Variants in OSBP2 observed in about 807,000 individuals in gnomAD.
OSBP2 encodes oxysterol binding protein 2, also known as oxysterol-binding protein 2.
In OSBP2, 66 loss-of-function variants were observed where a neutral mutation model predicts 96.0. That is an observed-to-expected ratio of 0.69 (90% CI 0.56 to 0.84). The LOEUF is 0.84. Ranked by LOEUF, OSBP2 falls within the 40% of genes least tolerant of loss-of-function variation. The pLI is 0.00. For missense variants in OSBP2, 1,038 were observed against 1,222.7 expected (o/e 0.85, Z 2.25); for synonymous variants, 525 against 520.9 (o/e 1.01, Z -0.11).
At chr22:30,831,085 G>A (rs1361688584) in intron 2 of OSBP2, among the ~76,000 whole-genome samples, 2 of 152,080 alleles carry the variant, frequency 1.3e-5, no homozygotes, top group East Asian at 1.9e-4. Context: ...GTTTCTTTCC[G>A]GGACACATTG....
intron 2 of OSBP2, among the ~76,000 whole-genome samples, chr22:30,817,823 A>C (rs888782542): frequency 6.6e-6 from 1 of 152,192 alleles, no homozygotes; most frequent in South Asian, 2.1e-4. Context: ...AGGAATCTAC[A>C]GTGGGTGTGC....
At chr22:30,822,441 G>A (rs2038294100) in intron 2 of OSBP2, 1 of 1,114,424 alleles carries the variant, frequency 9.0e-7, no homozygotes, top group Admixed American at 4.2e-5. Flanking sequence ...CCGCGGCGCG[G>A]ACGGGGTTAA....
At chr22:30,767,236 G>A (rs1452513126) in intron 2 of OSBP2, among the ~76,000 whole-genome samples, 1 of 151,674 alleles carries the variant, frequency 6.6e-6, no homozygotes, top group African/African-American at 2.4e-5. Context: ...CTTGAGCCTG[G>A]GAGGCAAAGG....
intron 2 of OSBP2, among the ~76,000 whole-genome samples, chr22:30,769,627 A>G (rs559794954): frequency 6.6e-6 from 1 of 152,228 alleles, no homozygotes; most frequent in African/African-American, 2.4e-5. Flanking sequence ...CCAGCCTGGG[A>G]AACAGAGAGA....
rs1048759697 is a variant in OSBP2 at position 30,868,336 on chromosome 22, C to T, written c.854-2093C>T. ...GCCTGCAGGGAGGGAAGAATAGCCA[C>T]TGTCTACTGACCTCTACCGTGAGGC... On this transcript the variant is annotated intron_variant, in intron 2 of 13. Coordinates refer to ENST00000332585, the MANE Select transcript of OSBP2 (RefSeq NM_030758.4). Among the ~76,000 whole-genome samples the T allele has an allele frequency of 6.6e-5, 10 of 152,358 alleles. No homozygotes were observed. In the South Asian group the frequency reaches 2.1e-3, roughly 32 times the overall value.
intron 1 of OSBP2, among the ~76,000 whole-genome samples, chr22:30,714,503 G>A (rs1321772113): frequency 6.6e-6 from 1 of 151,852 alleles, no homozygotes; most frequent in African/African-American, 2.4e-5. Flanking sequence ...TGTATTTCAC[G>A]TTGCTGTGAA....
chr22:30,795,425 A>T (rs2090743321), intron 2 of OSBP2, among the ~76,000 whole-genome samples: 1 of 151,726 alleles, frequency 6.6e-6, no homozygotes, highest in Admixed American at 6.6e-5. Context: ...CACAAATTAC[A>T]TGTATATTAG....
chr22:30,755,875 G>A (rs996341310), intron 2 of OSBP2, among the ~76,000 whole-genome samples: 4 of 152,128 alleles, frequency 2.6e-5, no homozygotes, highest in South Asian at 2.1e-4. Flanking sequence ...CACCCCACCC[G>A]TCTCAGCCCT....
chr22:30,840,054 CTTTT>C (rs1313548284), intron 2 of OSBP2, among the ~76,000 whole-genome samples: 1 of 109,298 alleles, frequency 9.1e-6, no homozygotes, highest in African/African-American at 3.4e-5. Context: ...TTTCAGCTTT[CTTTT>C]TTTTTTTTTT....
rs58883835 is a variant in OSBP2 at position 30,851,237 on chromosome 22, A to AT, written c.854-19180dup. ...CCACGCATACATGGCTAATTTTTGT[A>AT]TTTTTTTTTTTTAGTAGAGATGGGG... On this transcript the variant is annotated intron_variant, in intron 2 of 13. Transcript: ENST00000332585. Among the ~76,000 whole-genome samples the AT allele has an allele frequency of 4.6e-4, 66 of 144,890 alleles. 1 individual carries two copies. Among genetic ancestry groups the AT allele is most frequent in the South Asian group, 2.5e-3 (11 of 4,478 alleles).
intron 2 of OSBP2, among the ~76,000 whole-genome samples, chr22:30,839,649 G>C (rs1039961021): frequency 2.6e-5 from 4 of 151,898 alleles, no homozygotes; most frequent in South Asian, 2.1e-4. Flanking sequence ...AATGTCTTTT[G>C]AGAAGTGTCT....
At chr22:30,713,716 G>T (rs1042249572) in intron 1 of OSBP2, among the ~76,000 whole-genome samples, 4 of 152,108 alleles carry the variant, frequency 2.6e-5, no homozygotes, top group Admixed American at 2.6e-4. Context: ...TCCCATCTTG[G>T]CCTCCCAAAA....
chr22:30,861,651 G>A (rs1387381524), intron 2 of OSBP2, among the ~76,000 whole-genome samples: 1 of 152,204 alleles, frequency 6.6e-6, no homozygotes, highest in Non-Finnish European at 1.5e-5. Context: ...GCCTCTTGTA[G>A]AGGAGTGGCG....
At chr22:30,751,220 A>G (rs1038734392) in intron 2 of OSBP2, among the ~76,000 whole-genome samples, 2 of 151,916 alleles carry the variant, frequency 1.3e-5, no homozygotes, top group South Asian at 2.1e-4. Context: ...TTGCACCCCA[A>G]TCACCTTGGC....
intron 1 of OSBP2, among the ~76,000 whole-genome samples, chr22:30,721,844 C>T (rs907940042): frequency 1.3e-5 from 2 of 152,094 alleles, no homozygotes; most frequent in Non-Finnish European, 2.9e-5. Context: ...TTCAATCTTT[C>T]ACTTGGCTTA....
intron 2 of OSBP2, among the ~76,000 whole-genome samples, chr22:30,850,585 C>T (rs981139968): frequency 1.4e-4 from 21 of 152,026 alleles, no homozygotes; most frequent in Admixed American, 3.9e-4. Flanking sequence ...CTGCAACCTC[C>T]GCCTCCTGGG....
chr22:30,744,749 A>T (rs1179814296), intron 2 of OSBP2, among the ~76,000 whole-genome samples: 1 of 152,114 alleles, frequency 6.6e-6, no homozygotes, highest in Non-Finnish European at 1.5e-5. Flanking sequence ...CAACAGAGTG[A>T]GACTCTGTCT....
At chr22:30,858,339 G>C (rs936367637) in intron 2 of OSBP2, among the ~76,000 whole-genome samples, 1 of 150,418 alleles carries the variant, frequency 6.6e-6, no homozygotes. Context: ...GTAGAGACGG[G>C]GTTTCACCTT....
chr22:30,893,134 C>G lies in OSBP2; in HGVS notation c.1882C>G (p.Pro628Ala), dbSNP rs1297153643. Reference protein sequence around the residue: ...RSLCEQVSHHPPSAAHYVFSK... With the variant: ...RSLCEQVSHHAPSAAHYVFSK... ...GGTCTGGTCTCAGGTGAGCCACCACCCCCCCTCAGCTGCGCACTACGTGTT... is the reference window on the plus strand; with the variant it reads ...GGTCTGGTCTCAGGTGAGCCACCACGCCCCCTCAGCTGCGCACTACGTGTT... Residue 628 changes from proline to alanine, a missense_variant, in exon 9 of 14, where the codon CCC (proline) becomes GCC (alanine). Around this residue, in one of 3 missense-constraint regions of OSBP2, gnomAD observed 737 missense variants for 913.3 expected, o/e 0.81. Transcript: ENST00000332585. 6.2e-7 allele frequency: 1 copy of G among 1,613,838 alleles called. No individual in the cohort carries two copies. Among genetic ancestry groups the G allele is most frequent in the Non-Finnish European group, 8.5e-7 (1 of 1,179,924 alleles).
Sources: allele counts gnomAD v4.1 joint callset (sites outside exome capture counted in the v4.1 genomes callset), GRCh38; gene constraint gnomAD v4.1.1; regional missense constraint gnomAD v4.1.1; transcripts MANE v1.5; gene names NCBI Gene and HGNC (gene_info 2026-07-23, HGNC 2026-07-21).